KIAA0513: variants seen among roughly 807,000 people sequenced by gnomAD.
KIAA0513 encodes the protein KIAA0513.
KIAA0513 carries 39 observed loss-of-function variants against 56.5 expected under a neutral mutation model. That is an observed-to-expected ratio of 0.69 (90% CI 0.53 to 0.90). The LOEUF (loss-of-function observed/expected upper bound fraction) is 0.90, where lower values mean the gene tolerates loss of function less well. Among genes scored for constraint, KIAA0513 ranks in the 40% least tolerant of loss-of-function variants. The pLI is 0.00. For synonymous variants in KIAA0513, 268 were observed against 215.6 expected, an observed-to-expected ratio of 1.24 and a Z score of -2.13; for missense variants, 591 against 535.2, an observed-to-expected ratio of 1.10 and a Z score of -1.03.
chr16:85,087,027 C>T (rs747749430), intron 11 of KIAA0513, 45 bp from the exon 12 acceptor site: 47 of 1,581,412 alleles, frequency 3.0e-5, no homozygotes, highest in Non-Finnish European at 3.7e-5. Context: ...CCGGCCCTTT[C>T]CCCTGGGAGG....
At chr16:85,068,905 C>G (rs1485272125) in intron 2 of KIAA0513, among the ~76,000 whole-genome samples, 1 of 152,162 alleles carries the variant, frequency 6.6e-6, no homozygotes, top group Admixed American at 6.5e-5. Flanking sequence ...TGTAGGCTAG[C>G]CACTCCCTAG....
rs2073648900 is a variant in KIAA0513 at position 85,075,896 on chromosome 16, T to G, written c.556T>G (p.Phe186Val). The change falls in exon 5 of 13, where the codon TTC becomes GTC. Residue 186 changes from phenylalanine to valine, a missense_variant. Phe to Val is a conservative substitution (Grantham distance 50). Transcript: ENST00000683363. ...GPAKNLMTMC[F>V]TYYHIGKPQL... is the part of the protein sequence containing the mutation. ...TGCCAAGAACCTCATGACCATGTGCTTCACCTACTACCACATCGGTAAGAC... is the reference window on the plus strand; with the variant it reads ...TGCCAAGAACCTCATGACCATGTGCGTCACCTACTACCACATCGGTAAGAC... 6.2e-7 allele frequency: 1 copy of G among 1,613,894 alleles called. No individual in the cohort carries two copies. The highest frequency in any genetic ancestry group is 1.3e-5 in the African/African-American group (1 of 74,932).
In KIAA0513 at chr16:85,078,953, G is replaced by A. The variant is rs774864705; in HGVS notation, c.852G>A (p.Lys284=). The A allele has an allele frequency of 1.1e-5, 18 of 1,614,042 alleles. No homozygotes were observed. Among genetic ancestry groups the A allele is most frequent in the African/African-American group, 5.3e-5 (4 of 74,908 alleles). The part of the protein sequence containing the change: ...AVTAYSPEDE[K]KGEKIYLYTH... ...CCGCGTACAGCCCCGAGGACGAAAA[G>A]AAGGGGGAGAAGATCTACCTGTACA... The change falls in exon 8 of 13, where the codon AAG becomes AAA. Residue 284 remains lysine, a synonymous_variant. Transcript: ENST00000683363.
chr16:85,038,913 C>A (rs758019270), intron 1 of KIAA0513, among the ~76,000 whole-genome samples: 1 of 152,126 alleles, frequency 6.6e-6, no homozygotes, highest in Non-Finnish European at 1.5e-5. Context: ...GCTCAAGGGC[C>A]GCATGTGGCC....
At chr16:85,069,263 T>A (rs2073536399) in intron 2 of KIAA0513, among the ~76,000 whole-genome samples, 1 of 151,296 alleles carries the variant, frequency 6.6e-6, no homozygotes, top group South Asian at 2.1e-4. Flanking sequence ...CAGGCTTGAG[T>A]GCAGTGGTGC....
At chr16:85,058,780 C>A (rs2073364871) in intron 1 of KIAA0513, among the ~76,000 whole-genome samples, 1 of 152,152 alleles carries the variant, frequency 6.6e-6, no homozygotes, top group Non-Finnish European at 1.5e-5. Flanking sequence ...TAATCAGTGT[C>A]ATTGCATACG....
At chr16:85,046,755 A>G (rs1015333968) in intron 1 of KIAA0513, among the ~76,000 whole-genome samples, 35 of 152,236 alleles carry the variant, frequency 2.3e-4, no homozygotes, top group African/African-American at 6.5e-4. Context: ...AATTTCAGTT[A>G]CTGTATGTTT....
intron 6 of KIAA0513, 149 bp downstream of exon 6, chr16:85,077,781 TGCTA>T: frequency 1.5e-6 from 1 of 649,850 alleles, no homozygotes; most frequent in Non-Finnish European, 2.7e-6. Flanking sequence ...CCCCACGGCT[TGCTA>T]TGGTCTGCAA....
At chr16:85,056,065 C>G (rs1001138932) in intron 1 of KIAA0513, among the ~76,000 whole-genome samples, 1 of 152,232 alleles carries the variant, frequency 6.6e-6, no homozygotes, top group East Asian at 1.9e-4. Flanking sequence ...GTGGTTCAGC[C>G]CAGACCCCCC....
At chr16:85,046,214 T>C (rs900865675) in intron 1 of KIAA0513, among the ~76,000 whole-genome samples, 17 of 152,346 alleles carry the variant, frequency 1.1e-4, no homozygotes, top group Admixed American at 1.1e-3. Flanking sequence ...GCCATGCCTT[T>C]CTGGGCAGTG....
At chr16:85,048,648 G>T (rs1194556996) in intron 1 of KIAA0513, among the ~76,000 whole-genome samples, 2 of 152,214 alleles carry the variant, frequency 1.3e-5, no homozygotes, top group African/African-American at 4.8e-5. Flanking sequence ...GGAGGCTGAG[G>T]TGGGAGAGTT....
At chr16:85,083,686 C>T (rs1597647813) in intron 10 of KIAA0513, among the ~76,000 whole-genome samples, 2 of 152,278 alleles carry the variant, frequency 1.3e-5, no homozygotes, top group South Asian at 2.1e-4. Flanking sequence ...GAGGCAGATT[C>T]GCTTTGACCA....
Position 85,074,029 on chromosome 16 carries a change from G to A in KIAA0513, c.503+1031G>A, listed in dbSNP as rs539275162. Among the ~76,000 whole-genome samples, 3 of 152,132 alleles carry A rather than the reference G, an allele frequency of 2.0e-5. 1 individual carries two copies. The South Asian group carries it at 6.2e-4, about 32-fold the overall frequency. Reference sequence around the variant, plus strand: ...GTCTTGCTCTGTCACCCAGGCTGGAGTGCAGTGGGATCTCAGCTCACTGCA... The same window carrying A: ...GTCTTGCTCTGTCACCCAGGCTGGAATGCAGTGGGATCTCAGCTCACTGCA... On this transcript the variant is annotated intron_variant, in intron 4 of 12. Transcript: ENST00000683363.
intron 2 of KIAA0513, among the ~76,000 whole-genome samples, chr16:85,069,907 G>A (rs1235049543): frequency 6.6e-6 from 1 of 152,036 alleles, no homozygotes; most frequent in South Asian, 2.1e-4. Flanking sequence ...GCTTGCACCT[G>A]TATTCCCAAC....
chr16:85,049,457 C>G (rs1002958979), intron 1 of KIAA0513, among the ~76,000 whole-genome samples: 3 of 152,212 alleles, frequency 2.0e-5, no homozygotes, highest in Non-Finnish European at 2.9e-5. Flanking sequence ...GAATTGTAAT[C>G]TCCAGTGTTG....
rs1567543641 is a variant in KIAA0513, at chr16:85,078,396, T to TG, written c.783-18dup. 9 of 1,613,102 alleles carry TG rather than the reference T, an allele frequency of 5.6e-6. No homozygotes were observed. In the African/African-American group the frequency reaches 1.2e-4, roughly 22 times the overall value. On this transcript the variant is annotated intron_variant, in intron 6 of 12. Coordinates refer to ENST00000683363, the MANE Select transcript of KIAA0513 (RefSeq NM_001388359.1). ...TGGTGTGAGTCGCGTGTGTCATCAT[T>TG]GTGCCTTCTCTCCCTCAGGGAAGAC...
rs571861013 is a variant in KIAA0513 at position 85,029,051 on chromosome 16, C to A, written c.-173+1193C>A. Among the ~76,000 whole-genome samples, 38 of 152,306 alleles carry A rather than the reference C, an allele frequency of 2.5e-4. No homozygotes were observed. The South Asian group carries it at 6.6e-3, about 27-fold the overall frequency. ...CATGTGAGCGTTCCTTCCTGTCTTC[C>A]CCCCATTTCTCCTGGGAAGCGTATG... On this transcript the variant is annotated intron_variant, in intron 1 of 12. Transcript: ENST00000683363.
chr16:85,051,425 G>A (rs1451192329), intron 1 of KIAA0513, among the ~76,000 whole-genome samples: 1 of 152,166 alleles, frequency 6.6e-6, no homozygotes, highest in Non-Finnish European at 1.5e-5. Flanking sequence ...GAAGAGAAAT[G>A]GCAAGAAACC....
chr16:85,049,520 G>A (rs2073218729), intron 1 of KIAA0513, among the ~76,000 whole-genome samples: 1 of 152,172 alleles, frequency 6.6e-6, no homozygotes, highest in Non-Finnish European at 1.5e-5. Context: ...ATGGTTTAGT[G>A]CCATCCCCCT....
Sources: allele counts gnomAD v4.1 joint callset (sites outside exome capture counted in the v4.1 genomes callset), GRCh38; gene constraint gnomAD v4.1.1; transcripts MANE v1.5; gene names NCBI Gene and HGNC (gene_info 2026-07-23, HGNC 2026-07-21).